Variants in GRM8 observed in about 807,000 individuals in gnomAD.
The protein encoded by GRM8 is metabotropic glutamate receptor 8.
GRM8 carries 47 observed loss-of-function variants against 87.2 expected under a neutral mutation model. The observed-to-expected ratio is 0.54, with a 90% CI of 0.43 to 0.69. GRM8 has a LOEUF of 0.69. Among genes scored for constraint, GRM8 ranks in the 30% least tolerant of loss-of-function variants. The probability of loss-of-function intolerance (pLI) is 0.00; values close to 1 mark genes in which losing one functional copy is unlikely to be tolerated. For synonymous variants in GRM8, 396 were observed against 404.5 expected (o/e 0.98, Z 0.25); for missense variants, 1,019 against 1,139.2 (o/e 0.89, Z 1.52).
chr7:127,234,789 T>C (rs1235635350), intron 2 of GRM8, among the ~76,000 whole-genome samples: 1 of 152,190 alleles, frequency 6.6e-6, no homozygotes, highest in Non-Finnish European at 1.5e-5. Flanking sequence ...TGATAACCAT[T>C]GGACTGAGCA....
intron 3 of GRM8, among the ~76,000 whole-genome samples, chr7:127,066,459 C>A (rs1821121931): frequency 6.6e-6 from 1 of 152,088 alleles, no homozygotes; most frequent in Non-Finnish European, 1.5e-5. Flanking sequence ...GGTACTTTCT[C>A]AGACATTATC....
At chr7:127,116,141 A>G (rs1321170175) in intron 2 of GRM8, among the ~76,000 whole-genome samples, 1 of 152,172 alleles carries the variant, frequency 6.6e-6, no homozygotes, top group Admixed American at 6.6e-5. Flanking sequence ...GAGGACTTTA[A>G]TATTCCAACT....
At chr7:126,462,418 A>G (rs1425156236) in intron 9 of GRM8, among the ~76,000 whole-genome samples, 3 of 151,588 alleles carry the variant, frequency 2.0e-5, no homozygotes, top group Non-Finnish European at 3.0e-5. Flanking sequence ...TACAGTTTTC[A>G]TTGCAAAGGT....
intron 7 of GRM8, among the ~76,000 whole-genome samples, chr7:126,687,265 C>T (rs918741253): frequency 5.3e-5 from 8 of 152,182 alleles, no homozygotes; most frequent in East Asian, 1.9e-4. Flanking sequence ...AAATCATTTT[C>T]ACCTAACAGT....
chr7:127,070,548 C>T (rs78651216), intron 3 of GRM8, among the ~76,000 whole-genome samples: 35 of 152,160 alleles, frequency 2.3e-4, no homozygotes, highest in African/African-American at 6.3e-4. Flanking sequence ...CAAGCAAAGA[C>T]GCTTCAAGTC....
chr7:127,073,038 G>A (rs575431819), intron 3 of GRM8, among the ~76,000 whole-genome samples: 97 of 152,068 alleles, frequency 6.4e-4, no homozygotes, highest in African/African-American at 2.3e-3. Context: ...GGAGGGGAGA[G>A]AAAGTGAAGG....
chr7:126,675,143 C>T (rs561392757), intron 7 of GRM8, among the ~76,000 whole-genome samples: 1 of 152,194 alleles, frequency 6.6e-6, no homozygotes, highest in East Asian at 1.9e-4. Flanking sequence ...GAAGCAACAA[C>T]ATTGATGCAA....
intron 6 of GRM8, among the ~76,000 whole-genome samples, chr7:126,829,981 T>C (rs917814980): frequency 6.6e-6 from 1 of 152,194 alleles, no homozygotes; most frequent in African/African-American, 2.4e-5. Context: ...TGGCTGAATA[T>C]GAAATTCTGG....
chr7:127,102,186 G>C (rs760385002), intron 3 of GRM8, among the ~76,000 whole-genome samples: 1 of 152,226 alleles, frequency 6.6e-6, no homozygotes, highest in African/African-American at 2.4e-5. Flanking sequence ...AGATGTGGGA[G>C]CAAAGGAATG....
chr7:126,848,999 T>G (rs986621870), intron 6 of GRM8, among the ~76,000 whole-genome samples: 3 of 152,054 alleles, frequency 2.0e-5, no homozygotes, highest in African/African-American at 7.2e-5. Flanking sequence ...AGAGAACTTG[T>G]GCAGGGAAAC....
At chr7:126,843,278 A>T (rs903685812) in intron 6 of GRM8, among the ~76,000 whole-genome samples, 1 of 152,204 alleles carries the variant, frequency 6.6e-6, no homozygotes, top group African/African-American at 2.4e-5. Context: ...ATAAGGACTA[A>T]ATCCATTATA....
At chr7:127,187,123 T>C (rs1794780034) in intron 2 of GRM8, among the ~76,000 whole-genome samples, 1 of 152,154 alleles carries the variant, frequency 6.6e-6, no homozygotes, top group African/African-American at 2.4e-5. Context: ...AAGATACACA[T>C]CTGTAGATCT....
At chr7:126,961,915 A>G (rs1016654664) in intron 3 of GRM8, among the ~76,000 whole-genome samples, 1 of 152,188 alleles carries the variant, frequency 6.6e-6, no homozygotes, top group African/African-American at 2.4e-5. Flanking sequence ...TATCCAGCAT[A>G]GAGGAGACTT....
chr7:127,205,873 G>A (rs764632332), intron 2 of GRM8, among the ~76,000 whole-genome samples: 2 of 151,902 alleles, frequency 1.3e-5, no homozygotes, highest in Non-Finnish European at 2.9e-5. Flanking sequence ...CTCTCTCCAG[G>A]CACCTATCCA....
intron 8 of GRM8, among the ~76,000 whole-genome samples, chr7:126,596,261 T>C (rs1374951519): frequency 3.3e-5 from 5 of 152,206 alleles, no homozygotes; most frequent in Admixed American, 6.5e-5. Flanking sequence ...TAAACTAATT[T>C]ACTTTTGCAC....
intron 9 of GRM8, chr7:126,512,367 A>G (rs1368115255): frequency 6.6e-6 from 1 of 152,164 alleles, no homozygotes; most frequent in African/African-American, 2.4e-5. Context: ...TTCAAATGAG[A>G]TCCCATATTT....
intron 2 of GRM8, among the ~76,000 whole-genome samples, chr7:127,122,373 G>C (rs181773454): frequency 1.3e-5 from 2 of 151,690 alleles, no homozygotes; most frequent in Non-Finnish European, 2.9e-5. Context: ...GACATTTATT[G>C]TCTTTCCAAT....
chr7:126,465,400 G>T (rs949810155), intron 9 of GRM8: 2 of 150,888 alleles, frequency 1.3e-5, no homozygotes, highest in African/African-American at 4.9e-5. Flanking sequence ...GATTAGGATT[G>T]CATTAATGTA....
intron 7 of GRM8, among the ~76,000 whole-genome samples, chr7:126,650,072 A>T (rs964511785): frequency 6.6e-6 from 1 of 152,150 alleles, no homozygotes; most frequent in Non-Finnish European, 1.5e-5. Flanking sequence ...TGAATATTTG[A>T]CTATGGGTCA....
Sources: gnomAD v4.1 joint callset for allele counts (sites outside exome capture counted in the v4.1 genomes callset) on GRCh38, gnomAD v4.1.1 for gene constraint, MANE v1.5 for transcripts, NCBI Gene and HGNC (gene_info 2026-07-23, HGNC 2026-07-21) for gene names.